DPP6: variants seen among roughly 807,000 people sequenced by gnomAD.
DPP6 encodes the protein dipeptidyl peptidase like 6, also known as A-type potassium channel modulatory protein DPP6.
DPP6 carries 69 observed loss-of-function variants against 122.6 expected under a neutral mutation model. The ratio of observed to expected loss-of-function variants is 0.56; its 90% CI spans 0.46 to 0.69. The LOEUF (loss-of-function observed/expected upper bound fraction) is 0.69, where lower values mean the gene tolerates loss of function less well. DPP6 is among the 30% of genes least tolerant of loss of function. DPP6 has a pLI of 0.00. For synonymous variants in DPP6, 418 were observed against 433.1 expected (o/e 0.97, Z 0.43); for missense variants, 928 against 1,116.9 (o/e 0.83, Z 2.41).
At chr7:153,892,017 G>C (rs547600406) in intron 1 of DPP6, among the ~76,000 whole-genome samples, 33 of 152,338 alleles carry the variant, frequency 2.2e-4, no homozygotes, top group Middle Eastern at 6.8e-3. Flanking sequence ...GTTCTTCCTT[G>C]TGCTCACTGA....
chr7:153,905,198 G>A (rs1016490433), intron 1 of DPP6, among the ~76,000 whole-genome samples: 3 of 152,218 alleles, frequency 2.0e-5, no homozygotes, highest in African/African-American at 7.2e-5. Flanking sequence ...TACACAGAAA[G>A]GTGGGGAAAG....
intron 1 of DPP6, among the ~76,000 whole-genome samples, chr7:154,249,983 AC>A (rs1802245268): frequency 6.6e-6 from 1 of 152,058 alleles, no homozygotes; most frequent in Non-Finnish European, 1.5e-5. Context: ...TTAAAAATCA[AC>A]CCCTGACCTA....
At chr7:154,053,536 C>T (rs540540122) in intron 1 of DPP6, among the ~76,000 whole-genome samples, 255 of 151,434 alleles carry the variant, frequency 1.7e-3, no homozygotes, top group African/African-American at 6.1e-3. Context: ...CTCTCCTACT[C>T]ACTCTGTCCC....
chr7:154,027,465 G>GTGGTGGAA (rs1181807733), intron 1 of DPP6, among the ~76,000 whole-genome samples: 1 of 152,142 alleles, frequency 6.6e-6, no homozygotes, highest in Non-Finnish European at 1.5e-5. Context: ...GTGTCCTCAT[G>GTGGTGGAA]TGGTGGAAGG....
chr7:154,846,357 C>T (rs778566321), intron 16 of DPP6, among the ~76,000 whole-genome samples: 5 of 152,040 alleles, frequency 3.3e-5, no homozygotes, highest in Admixed American at 6.6e-5. Flanking sequence ...GTTGTGAGCT[C>T]AGCCTGTTCC....
At chr7:154,084,920 G>T (rs1804277237) in intron 1 of DPP6, among the ~76,000 whole-genome samples, 1 of 139,128 alleles carries the variant, frequency 7.2e-6, no homozygotes, top group South Asian at 2.3e-4. Flanking sequence ...AACCCGGGAG[G>T]CAGAGCTTGC....
chr7:153,880,304 C>A, the DPP6 span, among the ~76,000 whole-genome samples: 10 of 152,208 alleles, frequency 6.6e-5, no homozygotes, highest in Non-Finnish European at 1.5e-4. Context: ...TTCACTGATT[C>A]TGTAAAATAG....
At chr7:154,341,829 G>T (rs181038797) in intron 1 of DPP6, among the ~76,000 whole-genome samples, 1 of 151,962 alleles carries the variant, frequency 6.6e-6, no homozygotes, top group African/African-American at 2.4e-5. Context: ...CTATAATGAC[G>T]CAAGAAGAAT....
intron 16 of DPP6, among the ~76,000 whole-genome samples, chr7:154,841,708 C>T (rs1406559009): frequency 1.3e-5 from 2 of 151,778 alleles, no homozygotes; most frequent in Non-Finnish European, 2.9e-5. Context: ...GTCAACGTGC[C>T]ATTGCCTCCC....
chr7:153,967,490 G>T (rs1328483171), intron 1 of DPP6, among the ~76,000 whole-genome samples: 2 of 152,172 alleles, frequency 1.3e-5, no homozygotes, highest in African/African-American at 4.8e-5. Flanking sequence ...TACCAAGCCT[G>T]CCTTGTAGTG....
intron 1 of DPP6, among the ~76,000 whole-genome samples, chr7:153,961,411 T>C (rs1795345986): frequency 6.6e-6 from 1 of 151,288 alleles, no homozygotes; most frequent in Non-Finnish European, 1.5e-5. Flanking sequence ...ACAGATCGTG[T>C]GATTCTAGGT....
intron 16 of DPP6, among the ~76,000 whole-genome samples, chr7:154,822,757 C>T (rs1271547417): frequency 6.6e-6 from 1 of 152,134 alleles, no homozygotes; most frequent in Non-Finnish European, 1.5e-5. Flanking sequence ...CTCTCTAGCC[C>T]TCATCCTGCT....
At chr7:154,834,174 A>C (rs2150529496) in intron 16 of DPP6, among the ~76,000 whole-genome samples, 1 of 152,188 alleles carries the variant, frequency 6.6e-6, no homozygotes, top group Non-Finnish European at 1.5e-5. Context: ...TACACTATTA[A>C]CAACAGCTCC....
chr7:154,268,130 A>G (rs539194731), intron 1 of DPP6, among the ~76,000 whole-genome samples: 1 of 152,260 alleles, frequency 6.6e-6, no homozygotes, highest in African/African-American at 2.4e-5. Flanking sequence ...CTGAAAGTTT[A>G]TGGTTCTAAA....
intron 5 of DPP6, among the ~76,000 whole-genome samples, chr7:154,570,050 C>T (rs570008555): frequency 1.4e-4 from 22 of 151,988 alleles, no homozygotes; most frequent in Non-Finnish European, 4.4e-5. Context: ...CGTATGTATA[C>T]CCAGGGCCAG....
At chr7:154,612,981 G>A (rs957596410) in intron 5 of DPP6, among the ~76,000 whole-genome samples, 6 of 152,160 alleles carry the variant, frequency 3.9e-5, no homozygotes, top group Admixed American at 3.3e-4. Context: ...TTTCTGGTGA[G>A]GTCCACCTTC....
At chr7:154,781,562 T>G (rs754440519) in intron 10 of DPP6, among the ~76,000 whole-genome samples, 2 of 152,200 alleles carry the variant, frequency 1.3e-5, no homozygotes, top group African/African-American at 2.4e-5. Context: ...CCGGCAGATG[T>G]TTTTATGCAA....
intron 1 of DPP6, among the ~76,000 whole-genome samples, chr7:154,400,049 G>A (rs1413903704): frequency 6.6e-6 from 1 of 152,096 alleles, no homozygotes; most frequent in Admixed American, 6.6e-5. Flanking sequence ...ATAGAGTCTT[G>A]CTGGACAGAG....
At chr7:153,900,647 C>T (rs560365557) in intron 1 of DPP6, among the ~76,000 whole-genome samples, 6 of 152,228 alleles carry the variant, frequency 3.9e-5, no homozygotes, top group South Asian at 2.1e-4. Flanking sequence ...ATTCATGAGG[C>T]GTCTGCCTCC....
Sources: allele counts gnomAD v4.1 joint callset (sites outside exome capture counted in the v4.1 genomes callset), GRCh38; gene constraint gnomAD v4.1.1; transcripts MANE v1.5; gene names NCBI Gene and HGNC (gene_info 2026-07-23, HGNC 2026-07-21).